Variants in NLRP7 observed in about 807,000 individuals in gnomAD.
NLRP7 encodes the protein NLR family pyrin domain containing 7.
NLRP7 carries 72 observed loss-of-function variants against 85.5 expected under a neutral mutation model. The ratio of observed to expected loss-of-function variants is 0.84; its 90% CI spans 0.70 to 1.02. The LOEUF (loss-of-function observed/expected upper bound fraction) is 1.02, where lower values mean the gene tolerates loss of function less well. Among genes scored for constraint, NLRP7 ranks in the 50% least tolerant of loss-of-function variants. The pLI is 0.00. For synonymous variants in NLRP7, 550 were observed against 505.2 expected (o/e 1.09, Z -1.19); for missense variants, 1,243 against 1,219.5 (o/e 1.02, Z -0.29).
At chr19:54,955,408 C>T (rs773318243) in intron 1 of NLRP7, among the ~76,000 whole-genome samples, 2 of 152,210 alleles carry the variant, frequency 1.3e-5, no homozygotes, top group East Asian at 1.9e-4. Flanking sequence ...GTGGCACATG[C>T]CTGGAATCCC....
intron 9 of NLRP7, among the ~76,000 whole-genome samples, chr19:54,928,750 C>T (rs192538482): frequency 5.3e-5 from 8 of 152,176 alleles, no homozygotes; most frequent in Non-Finnish European, 1.2e-4. Flanking sequence ...ATTTATGGCT[C>T]ATAACTTACA....
chr19:54,954,528 C>CA (rs35846819), intron 1 of NLRP7, among the ~76,000 whole-genome samples: 16,697 of 45,686 alleles, frequency 0.37, 2,440 homozygotes, highest in East Asian at 0.43. Flanking sequence ...GACTCCGTCT[C>CA]AAAAAAAAAA....
chr19:54,930,276 G>C (rs1468440147), intron 9 of NLRP7, among the ~76,000 whole-genome samples: 1 of 151,692 alleles, frequency 6.6e-6, no homozygotes, highest in Non-Finnish European at 1.5e-5. Context: ...AAACCAGCCC[G>C]GGAAAGATGA....
chr19:54,961,687 A>G (rs1273022224), intron 1 of NLRP7, among the ~76,000 whole-genome samples: 1 of 150,208 alleles, frequency 6.7e-6, no homozygotes, highest in African/African-American at 2.5e-5. Flanking sequence ...TTAGCCTGGC[A>G]TGGTGGCAGG....
upstream of NLRP7, chr19:54,947,836 C>T (rs746966037): frequency 8.7e-5 from 24 of 274,740 alleles, no homozygotes; most frequent in Non-Finnish European, 1.6e-4. Context: ...ACCTGGCTCC[C>T]AGCTTTAAAA....
chr19:54,939,792 C>T lies in NLRP7; in HGVS notation c.1027G>A (p.Ala343Thr), dbSNP rs2069131815. 5.6e-6 allele frequency: 9 copies of T among 1,614,026 alleles called. No homozygotes were observed. In the East Asian group the frequency reaches 1.8e-4, roughly 32 times the overall value. Residue 343 changes from alanine (A) to threonine (T), a missense_variant, in exon 4 of 10, where the codon GCC (alanine) becomes ACC (threonine). Physicochemically the swap from Ala to Thr is moderately conservative, Grantham distance 58. Around this residue, in one of 3 missense-constraint regions of NLRP7, gnomAD observed 591 missense variants for 563.3 expected, o/e 1.05. Transcript: ENST00000340844. ...CTCATTAGCTCAAAGGCACGCATGG[C>T]TTGGTCCTCGTCTCCAAAGTGTCTC...
At chr19:54,938,005 T>C in intron 5 of NLRP7, 39 bp downstream of exon 5, 1 of 1,491,268 alleles carries the variant, frequency 6.7e-7, no homozygotes, top group Non-Finnish European at 9.4e-7. Flanking sequence ...AGCTTAGTCA[T>C]CGTTCAGGGT....
At chr19:54,956,249 A>C (rs1423218623) in intron 1 of NLRP7, among the ~76,000 whole-genome samples, 5 of 152,120 alleles carry the variant, frequency 3.3e-5, no homozygotes, top group African/African-American at 1.2e-4. Flanking sequence ...TCAGCCCTGA[A>C]CCTTTGGGAT....
At chr19:54,959,654 T>C (rs1444794767) in intron 1 of NLRP7, among the ~76,000 whole-genome samples, 2 of 151,620 alleles carry the variant, frequency 1.3e-5, no homozygotes, top group Non-Finnish European at 2.9e-5. Context: ...TTTCCAATTT[T>C]AGTGTATGTG....
At chr19:54,952,044 G>A (rs552881483), upstream of NLRP7, among the ~76,000 whole-genome samples, 10 of 152,122 alleles carry the variant, frequency 6.6e-5, no homozygotes, top group Non-Finnish European at 1.2e-4. Context: ...GAGCCACCGC[G>A]CCCGGCCCCA....
Position 54,934,273 on chromosome 19 carries a change from C to G in NLRP7, c.2471+216G>C, listed in dbSNP as rs2068799971. ...GGTATTTTTAATAGAAACAGGGTTT[C>G]ACCATGTTGGCCAGGTTGGTCTCGA... On this transcript the variant is annotated intron_variant, in intron 7 of 9. Transcript: ENST00000340844. The surrounding 1 kb of genome is among the most constrained non-coding windows in gnomAD (Gnocchi z 6.7). Among the ~76,000 whole-genome samples, 1 of 152,080 alleles carries G rather than the reference C, an allele frequency of 6.6e-6. No individual in the cohort carries two copies. Among genetic ancestry groups the G allele is most frequent in the Non-Finnish European group, 1.5e-5 (1 of 67,994 alleles).
chr19:54,946,079 C>A (rs968066167), intron 1 of NLRP7, among the ~76,000 whole-genome samples: 3 of 152,038 alleles, frequency 2.0e-5, no homozygotes, highest in Non-Finnish European at 4.4e-5. Context: ...GCGTGAGCCA[C>A]CGCGCCCGGC....
chr19:54,947,430 C>T (rs888501671), intron 1 of NLRP7, 39 bp downstream of exon 1: 10 of 1,275,860 alleles, frequency 7.8e-6, no homozygotes, highest in African/African-American at 4.6e-5. Context: ...CTCCCTTAAA[C>T]GAGAAGACAA....
chr19:54,928,228 A>G (rs2068530478), intron 9 of NLRP7, among the ~76,000 whole-genome samples: 1 of 152,138 alleles, frequency 6.6e-6, no homozygotes, highest in Non-Finnish European at 1.5e-5. Flanking sequence ...TCACAAATAT[A>G]TAACATAAAA....
upstream of NLRP7, chr19:54,947,847 ACT>A (rs1443597755): frequency 8.1e-6 from 2 of 245,732 alleles, no homozygotes; most frequent in Non-Finnish European, 1.7e-5. Flanking sequence ...AGCTTTAAAA[ACT>A]CTTGTAGAGA....
At chr19:54,951,311 C>T (rs983366591), upstream of NLRP7, among the ~76,000 whole-genome samples, 2 of 151,764 alleles carry the variant, frequency 1.3e-5, no homozygotes, top group Admixed American at 6.6e-5. Context: ...CTTTGGGAGG[C>T]TGAGGCAGAT....
At chr19:54,940,159 G>A in exon 4 of NLRP7, 1 of 1,614,208 alleles carries the variant, frequency 6.2e-7, no homozygotes, top group Non-Finnish European at 8.5e-7. Context: ...CAAAACTGCA[G>A]GGGCCCATGC....
At chr19:54,938,805 G>A in intron 4 of NLRP7, 83 bp downstream of exon 4, 1 of 1,467,966 alleles carries the variant, frequency 6.8e-7, no homozygotes, top group Non-Finnish European at 9.5e-7. Context: ...TCCAGCCAGA[G>A]GGAAATTCTG....
upstream of NLRP7, among the ~76,000 whole-genome samples, chr19:54,951,790 G>A (rs559409779): frequency 4.7e-5 from 7 of 150,160 alleles, no homozygotes; most frequent in East Asian, 1.2e-3. Context: ...TCGCTCTGTC[G>A]CCCAGGCTGG....
Sources: allele counts gnomAD v4.1 joint callset (sites outside exome capture counted in the v4.1 genomes callset), GRCh38; gene constraint gnomAD v4.1.1; regional missense constraint gnomAD v4.1.1; non-coding constraint Gnocchi (gnomAD v3.1); transcripts MANE v1.5; gene names NCBI Gene and HGNC (gene_info 2026-07-23, HGNC 2026-07-21).